The following SMAD9 variants were observed in gnomAD, a reference collection of about 807,000 sequenced individuals.
SMAD9 encodes the protein MAD homolog 9.
SMAD9 carries 36 observed loss-of-function variants against 46.1 expected under a neutral mutation model. That is an observed-to-expected ratio of 0.78 (90% confidence interval 0.60 to 1.03). SMAD9 has a LOEUF of 1.03. Ranked by LOEUF, SMAD9 falls within the 50% of genes least tolerant of loss-of-function variation. SMAD9 has a pLI of 0.00. For synonymous variants in SMAD9, 245 were observed against 237.1 expected, an observed-to-expected ratio of 1.03 and a Z score of -0.31; for missense variants, 572 against 599.8, an observed-to-expected ratio of 0.95 and a Z score of 0.48.
intron 1 of SMAD9, among the ~76,000 whole-genome samples, chr13:36,899,876 C>T (rs2058559709): frequency 6.6e-6 from 1 of 152,192 alleles, no homozygotes; most frequent in Admixed American, 6.5e-5. Flanking sequence ...ATTCATAACA[C>T]CACAGCCATG....
intron 1 of SMAD9, among the ~76,000 whole-genome samples, chr13:36,911,767 G>A (rs1232537476): frequency 6.6e-6 from 1 of 152,070 alleles, no homozygotes; most frequent in African/African-American, 2.4e-5. Flanking sequence ...GGAGTACAAT[G>A]GCACAATCTC....
chr13:36,888,345 A>G (rs1309497713), intron 1 of SMAD9, among the ~76,000 whole-genome samples: 1 of 152,088 alleles, frequency 6.6e-6, no homozygotes, highest in Non-Finnish European at 1.5e-5. Flanking sequence ...TCCTGCTGCC[A>G]TGTAACATGT....
chr13:36,884,196 T>C (rs1419227728), intron 1 of SMAD9, among the ~76,000 whole-genome samples: 1 of 152,178 alleles, frequency 6.6e-6, no homozygotes, highest in Non-Finnish European at 1.5e-5. Context: ...CATGAACCAA[T>C]TCCCACTTTG....
chr13:36,869,932 G>A (rs367699870), intron 3 of SMAD9, among the ~76,000 whole-genome samples: 8 of 152,236 alleles, frequency 5.3e-5, no homozygotes, highest in African/African-American at 1.7e-4. Flanking sequence ...TTTGAAATGG[G>A]TGGTTGTATG....
chr13:36,883,387 A>C (rs1285470307), intron 1 of SMAD9, among the ~76,000 whole-genome samples: 2 of 152,242 alleles, frequency 1.3e-5, no homozygotes, highest in Non-Finnish European at 2.9e-5. Context: ...GAGGGGGCGG[A>C]AAGTCTGGAA....
intron 1 of SMAD9, among the ~76,000 whole-genome samples, chr13:36,894,778 C>G (rs2058515127): frequency 6.6e-6 from 1 of 152,084 alleles, no homozygotes; most frequent in Non-Finnish European, 1.5e-5. Flanking sequence ...TGGAGAACCC[C>G]ACCTCCCCTG....
chr13:36,870,585 G>A (rs2058281606), intron 3 of SMAD9, among the ~76,000 whole-genome samples: 1 of 125,940 alleles, frequency 7.9e-6, no homozygotes, highest in South Asian at 2.3e-4. Context: ...GCTCTCAATA[G>A]CTACTGACTC....
intron 5 of SMAD9, among the ~76,000 whole-genome samples, chr13:36,862,130 C>A (rs628495): frequency 6.6e-6 from 1 of 152,084 alleles, no homozygotes; most frequent in Non-Finnish European, 1.5e-5. Context: ...CTGGTTCAGG[C>A]TCCACGAACA....
At chr13:36,852,592 A>G (rs2058083693) in intron 6 of SMAD9, 3 of 982,832 alleles carry the variant, frequency 3.1e-6, no homozygotes, top group Non-Finnish European at 3.6e-6. Context: ...AATTAATCAC[A>G]CCCGTTTCTA....
intron 1 of SMAD9, among the ~76,000 whole-genome samples, chr13:36,892,802 T>G (rs779997101): frequency 1.2e-4 from 19 of 152,090 alleles, no homozygotes; most frequent in Non-Finnish European, 2.2e-4. Flanking sequence ...AAGAAGTACT[T>G]TTAAGAAGAG....
chr13:36,874,054 G>C (rs778148125), intron 2 of SMAD9, among the ~76,000 whole-genome samples: 12 of 152,210 alleles, frequency 7.9e-5, no homozygotes, highest in Non-Finnish European at 1.5e-4. Context: ...CTCCTAGAAG[G>C]TTACAATGCC....
At chr13:36,917,052 G>T (rs1002504550) in intron 1 of SMAD9, among the ~76,000 whole-genome samples, 1 of 152,122 alleles carries the variant, frequency 6.6e-6, no homozygotes, top group Non-Finnish European at 1.5e-5. Context: ...GACACCAAAG[G>T]AGAGCAGAAT....
intron 6 of SMAD9, among the ~76,000 whole-genome samples, chr13:36,850,616 C>A (rs1206430410): frequency 6.6e-6 from 1 of 152,094 alleles, no homozygotes; most frequent in African/African-American, 2.4e-5. Flanking sequence ...TGACCTCAAG[C>A]AATCCACCCA....
rs112288011 is a variant in SMAD9 at position 36,879,079 on chromosome 13, A to ACTTT, written c.412+195_412+198dup. Among the ~76,000 whole-genome samples, 6,568 of 152,066 alleles carry ACTTT rather than the reference A, an allele frequency of 0.043. 475 individuals carry two copies. The highest frequency in any genetic ancestry group is 0.15 in the African/African-American group (6,169 of 41,424). ...AGGCAGGAATATCGTTTTCATGGGA[A>ACTTT]CTTTCTTTGATTGGACAGCTGCCTC... On this transcript the variant is annotated intron_variant, in intron 2 of 6. Coordinates refer to ENST00000379826, the MANE Select transcript of SMAD9 (RefSeq NM_001127217.3).
At chr13:36,868,958 T>C (rs1198865619) in intron 3 of SMAD9, among the ~76,000 whole-genome samples, 1 of 152,110 alleles carries the variant, frequency 6.6e-6, no homozygotes, top group Non-Finnish European at 1.5e-5. Context: ...ACTACCGATA[T>C]ATGCCACAAC....
Position 36,879,671 on chromosome 13 carries a change from T to C in SMAD9, c.19A>G (p.Ile7Val). 7 of 1,614,040 alleles carry C rather than the reference T, an allele frequency of 4.3e-6. No homozygotes were observed. The highest frequency in any genetic ancestry group is 5.1e-6 in the Non-Finnish European group (6 of 1,180,018). Reference sequence around the variant, plus strand: ...CTGGTGAAGGAGAAGAGGGAGCTGATGGGGGTGGTGGAGTGCATAAGAGGC... The same window carrying C: ...CTGGTGAAGGAGAAGAGGGAGCTGACGGGGGTGGTGGAGTGCATAAGAGGC... MHSTTP[I>V]SSLFSFTSPA... Residue 7 changes from isoleucine to valine, a missense_variant, in exon 2 of 7, where the codon ATC becomes GTC. Ile to Val is a conservative substitution (Grantham distance 29). Transcript: ENST00000379826.
intron 1 of SMAD9, among the ~76,000 whole-genome samples, chr13:36,918,710 G>C (rs2058717704): frequency 6.6e-6 from 1 of 152,168 alleles, no homozygotes; most frequent in South Asian, 2.1e-4. Flanking sequence ...ATTTGGAGTT[G>C]AGAATGTCTT....
rs796447891 is a variant in SMAD9, at chr13:36,895,754, C to CT, written c.-186-15880dup. ...AATCCTAGGCATAGGAAATTCAGTG[C>CT]TTTTTTTTTAAGTTGGCCTAGGGAC... On this transcript the variant is annotated intron_variant, in intron 1 of 6. Transcript: ENST00000379826. Among the ~76,000 whole-genome samples, 67 of 151,086 alleles carry CT rather than the reference C, an allele frequency of 4.4e-4. 1 individual carries two copies. In the South Asian group the frequency reaches 8.6e-3, roughly 19 times the overall value.
chr13:36,888,203 C>T (rs550034125), intron 1 of SMAD9, among the ~76,000 whole-genome samples: 11 of 152,258 alleles, frequency 7.2e-5, no homozygotes, highest in East Asian at 5.8e-4. Flanking sequence ...CCCCACTTGT[C>T]GAGGGAGGGA....
Sources: allele counts gnomAD v4.1 joint callset (sites outside exome capture counted in the v4.1 genomes callset), GRCh38; gene constraint gnomAD v4.1.1; transcripts MANE v1.5; gene names NCBI Gene and HGNC (gene_info 2026-07-23, HGNC 2026-07-21).